SLC12A4: variants seen among roughly 807,000 people sequenced by gnomAD.
SLC12A4 encodes the protein electroneutral potassium-chloride cotransporter 1.
Under a neutral mutation model 119.2 loss-of-function variants are expected in SLC12A4, and 84 were observed. The observed-to-expected ratio is 0.70, with a 90% CI of 0.59 to 0.85. SLC12A4 has a LOEUF of 0.85. SLC12A4 is among the 40% of genes least tolerant of loss of function. The pLI is 0.00. For synonymous variants in SLC12A4, 599 were observed against 604.6 expected (o/e 0.99, Z 0.14); for missense variants, 1,298 against 1,476.3 (o/e 0.88, Z 1.98).
Position 67,950,941 on chromosome 16 carries a change from C to T in SLC12A4, c.1396+21G>A, listed in dbSNP as rs757401779. On this transcript the variant is annotated intron_variant, in intron 10 of 23. Transcript: ENST00000316341. The surrounding 1 kb of genome is among the most constrained non-coding windows in gnomAD (Gnocchi z 4.3). ...GCTTCCCGTCCTCTGCCCCACCTGC[C>T]CCAGGCCTGGGAAAGGATACACACG... 3 of 1,610,788 alleles carry T rather than the reference C, an allele frequency of 1.9e-6. No homozygotes were observed. Among genetic ancestry groups the T allele is most frequent in the Non-Finnish European group, 2.5e-6 (3 of 1,177,718 alleles).
intron 22 of SLC12A4, 67 bp from the exon 23 acceptor site, chr16:67,945,287 C>T: frequency 6.4e-7 from 1 of 1,562,780 alleles, no homozygotes; most frequent in Non-Finnish European, 8.7e-7. Flanking sequence ...CCACCCCTGG[C>T]CCATCTAACA....
rs771453198 is a variant in SLC12A4, at chr16:67,944,045, G to GAGCAGCAGCCCC, written c.*783_*794dup. ...GGAGCCAGAAGGGGGCGGCAGGAGG[G>GAGCAGCAGCCCC]AGCAGCAGCCCCAGCAGCAGCGTCA... On this transcript the variant is annotated 3_prime_UTR_variant, in exon 24 of 24. Transcript: ENST00000316341. The surrounding 1 kb of genome is among the most constrained non-coding windows in gnomAD (Gnocchi z 6.6). 1 of 1,547,852 alleles carries GAGCAGCAGCCCC rather than the reference G, an allele frequency of 6.5e-7. No homozygotes were observed. The highest frequency in any genetic ancestry group is 8.7e-7 in the Non-Finnish European group (1 of 1,145,984).
At chr16:67,965,126 C>G (rs771406032) in intron 1 of SLC12A4, among the ~76,000 whole-genome samples, 10 of 152,194 alleles carry the variant, frequency 6.6e-5, no homozygotes, top group Non-Finnish European at 1.3e-4. Context: ...TCCACCGTGT[C>G]ATGTTAAAGC....
rs1047713842 is a variant in SLC12A4, at chr16:67,952,137, G to A, written c.917+47C>T. The stretch of plus-strand genomic sequence containing the variant: ...CTGGGGCATCAAAGGCTGGCTACAT[G>A]GGAGGGATGTCCATGCAATGCCCAG... On this transcript the variant is annotated intron_variant, in intron 7 of 23. Coordinates refer to ENST00000316341, the MANE Select transcript of SLC12A4 (RefSeq NM_005072.5). The A allele has an allele frequency of 9.9e-6, 16 of 1,611,652 alleles. No homozygotes were observed. The Admixed American group carries it at 1.8e-4, about 18-fold the overall frequency.
chr16:67,954,194 C>T, intron 6 of SLC12A4: 1 of 372,608 alleles, frequency 2.7e-6, no homozygotes, highest in Non-Finnish European at 5.4e-6. Flanking sequence ...GCGCCGACCT[C>T]CAGCAGGGTT....
chr16:67,944,482 CG>C lies in SLC12A4; in HGVS notation c.*357del. 8.0e-7 allele frequency: 1 copy of C among 1,246,042 alleles called. No homozygotes were observed. The highest frequency in any genetic ancestry group is 3.5e-5 in the East Asian group (1 of 28,866). The allele number at this position is 1,246,042 out of a possible 1,614,324, so 77.2% of individuals were successfully genotyped here. On this transcript the variant is annotated 3_prime_UTR_variant, in exon 24 of 24. Coordinates refer to ENST00000316341, the MANE Select transcript of SLC12A4 (RefSeq NM_005072.5). The surrounding 1 kb of genome is among the most constrained non-coding windows in gnomAD (Gnocchi z 6.6). ...CTCCCTCCCTGGCTACCCTTCCCTT[CG>C]TCTCTGATGGTGACATCCAAACAAT...
Position 67,968,458 on chromosome 16 carries a change from G to C in SLC12A4, c.96C>G (p.Ala32=), listed in dbSNP as rs1381704769. The change falls in exon 1 of 24, where the codon GCC becomes GCG. Residue 32 remains alanine, a synonymous_variant. Transcript: ENST00000316341. ...CCTCACCGTCCGAGTCATCCAGCTC[G>C]GCGCGCTCCCCGTAGTCCACCCAAC... ...GLSWVDYGER[A]ELDDSDGHGN... is the part of the protein sequence containing the mutation. The C allele has an allele frequency of 1.3e-6, 2 of 1,578,344 alleles. No homozygotes were observed. Among genetic ancestry groups the C allele is most frequent in the Non-Finnish European group, 1.7e-6 (2 of 1,167,662 alleles).
chr16:67,948,135 G>GAACAGGTA lies in SLC12A4; in HGVS notation c.1765_1772dup (p.Val592ThrfsTer4). On this transcript the variant is annotated frameshift_variant, in exon 14 of 24. Coordinates refer to ENST00000316341, the MANE Select transcript of SLC12A4 (RefSeq NM_005072.5). LOFTEE classifies it high-confidence loss of function. ...TCTGCACCGCACAGGCGAGGTTCAC[G>GAACAGGTA]AACAGGTAGCACATCAGAAAGAACC... 6.2e-7 allele frequency: 1 copy of GAACAGGTA among 1,613,246 alleles called. No individual in the cohort carries two copies. The highest frequency in any genetic ancestry group is 8.5e-7 in the Non-Finnish European group (1 of 1,179,998).
rs752659166 is a variant in SLC12A4, at chr16:67,949,803, G to C, written c.1745C>G (p.Ser582Cys). ...GCCCTGCCCGGCCCCAGCTCACATG[G>C]ATAAGATGGGGGCCACCATGTCGAG... Reference protein sequence around the residue: ...ASLDMVAPILSMFFLMCYLFV... With the variant: ...ASLDMVAPILCMFFLMCYLFV... The change falls in exon 13 of 24, where the codon TCC becomes TGC. Residue 582 changes from serine to cysteine, a missense_variant. Ser to Cys is a moderately radical substitution (Grantham distance 112). Coordinates refer to ENST00000316341, the MANE Select transcript of SLC12A4 (RefSeq NM_005072.5). The surrounding 1 kb of genome is among the most constrained non-coding windows in gnomAD (Gnocchi z 4.6). 1.2e-6 allele frequency: 2 copies of C among 1,606,580 alleles called. No individual in the cohort carries two copies. The highest frequency in any genetic ancestry group is 1.3e-5 in the African/African-American group (1 of 74,364).
rs751273295 is a variant in SLC12A4 at position 67,944,530 on chromosome 16, C to T, written c.*310G>A. ...CAATAAATATGCAATAAATAGCGCT[C>T]CTGGGCTGGGCCGGGCCGGCTGCCT... On this transcript the variant is annotated 3_prime_UTR_variant, in exon 24 of 24. Transcript: ENST00000316341. The surrounding 1 kb of genome is among the most constrained non-coding windows in gnomAD (Gnocchi z 6.6). 32 of 1,285,474 alleles carry T rather than the reference C, an allele frequency of 2.5e-5. No individual in the cohort carries two copies. Among genetic ancestry groups the T allele is most frequent in the Non-Finnish European group, 2.8e-5 (28 of 1,015,352 alleles). 79.6% of individuals were successfully genotyped at this position (1,285,474 alleles called of 1,614,324 possible). A position where few individuals can be genotyped will look rare whatever the true frequency, so the allele number is the denominator to read the frequency against.
Position 67,950,553 on chromosome 16 carries a change from A to G in SLC12A4, c.1455-60T>C. On this transcript the variant is annotated intron_variant, in intron 11 of 23. Transcript: ENST00000316341. This position sits in a 1 kb window ranked among gnomAD's most constrained non-coding sequence, Gnocchi z 4.3. ...TCCGGAAGGATGGCACAGACCACCA[A>G]AGGCAGCCAGCAGGCTTAGGACCAC... 6.2e-7 allele frequency: 1 copy of G among 1,610,116 alleles called. No individual in the cohort carries two copies. Among genetic ancestry groups the G allele is most frequent in the Middle Eastern group, 1.7e-4 (1 of 6,054 alleles).
chr16:67,967,024 G>T, intron 1 of SLC12A4: 1 of 739,018 alleles, frequency 1.4e-6, no homozygotes, highest in Non-Finnish European at 2.0e-6. Context: ...TGGGGAGAGA[G>T]GTCCTCCCAG....
Position 67,949,694 on chromosome 16 carries a change from T to G in SLC12A4, c.1748+106A>C, listed in dbSNP as rs2058391274. The G allele has an allele frequency of 4.0e-6, 3 of 743,110 alleles. No individual in the cohort carries two copies. In the South Asian group the frequency reaches 5.4e-5, roughly 13 times the overall value. The allele number at this position is 743,110 out of a possible 1,614,324, so 46.0% of individuals were successfully genotyped here. A position where few individuals can be genotyped will look rare whatever the true frequency, so the allele number is the denominator to read the frequency against. On this transcript the variant is annotated intron_variant, in intron 13 of 23. Coordinates refer to ENST00000316341, the MANE Select transcript of SLC12A4 (RefSeq NM_005072.5). The surrounding 1 kb of genome is among the most constrained non-coding windows in gnomAD (Gnocchi z 4.6). ...TCAGGCCACATCTCCCCATGCAGCC[T>G]GCCACATCTCCCAGCTGGACCTCCA...
At position 67,947,417 on chromosome 16, in the gene SLC12A4, A is replaced by G. The variant is rs1185906707; in HGVS notation, c.1986T>C (p.Gly662=). 1 of 1,612,206 alleles carries G rather than the reference A, an allele frequency of 6.2e-7. No individual in the cohort carries two copies. The change falls in exon 16 of 24, where the codon GGT becomes GGC. Residue 662 remains glycine (G), a synonymous_variant. Transcript: ENST00000316341. The part of the protein sequence containing the change: ...IEYQGAEKEW[G]DGIRGLSLSA... ...TCAGGGACAGGCCTCGGATCCCGTC[A>G]CCCCACTCCTTCTCAGCCCTGCAGA... is the stretch of plus-strand genomic sequence containing the variant.
intron 1 of SLC12A4, among the ~76,000 whole-genome samples, chr16:67,964,446 C>A (rs2030768370): frequency 6.6e-6 from 1 of 152,112 alleles, no homozygotes; most frequent in Admixed American, 6.5e-5. Flanking sequence ...TGTTTTCCAA[C>A]TCTTGTCCCT....
intron 6 of SLC12A4, 99 bp downstream of exon 6, chr16:67,954,544 G>A (rs118000276): frequency 0.011 from 15,251 of 1,447,660 alleles, 143 homozygotes; most frequent in Non-Finnish European, 0.01. Flanking sequence ...CCCAGGCCTT[G>A]GCCAGACATG....
chr16:67,962,039 G>T (rs1321314996), intron 2 of SLC12A4, among the ~76,000 whole-genome samples: 1 of 152,180 alleles, frequency 6.6e-6, no homozygotes, highest in African/African-American at 2.4e-5. Flanking sequence ...ACTTCATCCT[G>T]CCTGCTCTGC....
Position 67,957,738 on chromosome 16 carries a change from T to C in SLC12A4, c.544+4A>G. On this transcript the variant is annotated splice_donor_region_variant and intron_variant, in intron 5 of 23. Coordinates refer to ENST00000316341, the MANE Select transcript of SLC12A4 (RefSeq NM_005072.5). ...CCACCAGGCCTTGGGTGGCGCTCAC[T>C]GACCTGGAACCACACCGTTGGTGGC... The C allele has an allele frequency of 6.2e-7, 1 of 1,613,110 alleles. No individual in the cohort carries two copies. Among genetic ancestry groups the C allele is most frequent in the Non-Finnish European group, 8.5e-7 (1 of 1,180,016 alleles).
At chr16:67,958,613 T>G (rs982924612) in intron 3 of SLC12A4, among the ~76,000 whole-genome samples, 6 of 152,162 alleles carry the variant, frequency 3.9e-5, no homozygotes, top group Non-Finnish European at 7.3e-5. Flanking sequence ...TGAAAGCAAG[T>G]CTAATCTCAT....
Sources: gnomAD v4.1 joint callset for allele counts (sites outside exome capture counted in the v4.1 genomes callset) on GRCh38, gnomAD v4.1.1 for gene constraint, Gnocchi (gnomAD v3.1) non-coding constraint, MANE v1.5 for transcripts, NCBI Gene and HGNC (gene_info 2026-07-23, HGNC 2026-07-21) for gene names.